Variants in HHLA1 observed in about 807,000 individuals in gnomAD.
HHLA1 encodes HERV-H LTR-associating protein 1.
In HHLA1, 72 loss-of-function variants were observed where a neutral mutation model predicts 69.9. The ratio of observed to expected loss-of-function variants is 1.03; its 90% confidence interval spans 0.85 to 1.25. HHLA1 has a LOEUF of 1.25. Ranked by LOEUF, HHLA1 falls within the 50% of genes most tolerant of loss-of-function variation. The pLI, the probability that HHLA1 is intolerant of heterozygous loss-of-function variation, is 0.00. For missense variants in HHLA1, 685 were observed against 642.2 expected (o/e 1.07, Z -0.72); for synonymous variants, 252 against 233.2 (o/e 1.08, Z -0.73).
chr8:132,088,860 A>G (rs917198868), intron 8 of HHLA1, among the ~76,000 whole-genome samples: 1 of 152,162 alleles, frequency 6.6e-6, no homozygotes, highest in African/African-American at 2.4e-5. Context: ...TGAGGATCCA[A>G]TGAGAGAATA....
In HHLA1 at chr8:132,071,155, C is replaced by T. The variant is rs370326799; in HGVS notation, c.1469+185G>A. ...GGACCAGCTATGAATGAGATTCCATCATGAATCTCAAGGATGTGACTGTCT... is the reference window on the plus strand; with the variant it reads ...GGACCAGCTATGAATGAGATTCCATTATGAATCTCAAGGATGTGACTGTCT... On this transcript the variant is annotated intron_variant, in intron 15 of 16. Coordinates refer to ENST00000414222, the MANE Select transcript of HHLA1 (RefSeq NM_001145095.3). 1.0e-3 allele frequency among the ~76,000 whole-genome samples: 153 copies of T among 152,306 alleles called. 1 individual carries two copies. In the Middle Eastern group the frequency reaches 0.02, roughly 20 times the overall value.
chr8:132,105,185 A>G lies in HHLA1; in HGVS notation c.79+2T>C. On this transcript the variant is annotated splice_donor_variant, in intron 2 of 16. Transcript: ENST00000414222. LOFTEE classifies it high-confidence loss of function. The stretch of plus-strand genomic sequence containing the variant: ...CACTTGCAGAACTCCAGCTAGACCC[A>G]CCTGTGTTCCAAAGGGACAAGACAC... 1 of 1,550,526 alleles carries G rather than the reference A, an allele frequency of 6.4e-7. No homozygotes were observed. The highest frequency in any genetic ancestry group is 1.4e-5 in the African/African-American group (1 of 73,148).
In HHLA1 at chr8:132,090,952, G is replaced by A. The variant is rs893388; in HGVS notation, c.449-1353C>T. On this transcript the variant is annotated intron_variant, in intron 7 of 16. Coordinates refer to ENST00000414222, the MANE Select transcript of HHLA1 (RefSeq NM_001145095.3). ...TTTTTTGTATTTTTAGTAGAGACAGGGTTTCACCGTGTTAGCCAGGATGGT... is the reference window on the plus strand; with the variant it reads ...TTTTTTGTATTTTTAGTAGAGACAGAGTTTCACCGTGTTAGCCAGGATGGT... Among the ~76,000 whole-genome samples, 1,258 of 152,056 alleles carry A rather than the reference G, an allele frequency of 8.3e-3. 18 individuals are homozygous for A. Among genetic ancestry groups the A allele is most frequent in the African/African-American group, 0.028 (1,177 of 41,460 alleles).
chr8:132,077,694 C>A (rs143893815), intron 12 of HHLA1, 32 bp downstream of exon 12: 1 of 1,539,510 alleles, frequency 6.5e-7, no homozygotes, highest in Non-Finnish European at 8.8e-7. Flanking sequence ...TAATTTAAAA[C>A]GGGAGAGGTA....
chr8:132,083,856 G>A (rs1366959709), intron 10 of HHLA1, among the ~76,000 whole-genome samples: 1 of 152,196 alleles, frequency 6.6e-6, no homozygotes, highest in African/African-American at 2.4e-5. Flanking sequence ...TTGAAGGCAA[G>A]GTTAATTAAA....
intron 4 of HHLA1, among the ~76,000 whole-genome samples, chr8:132,099,450 A>G (rs1288170219): frequency 6.6e-6 from 1 of 152,188 alleles, no homozygotes; most frequent in African/African-American, 2.4e-5. Context: ...CAGAATTAAT[A>G]GGTCCAGGAT....
intron 10 of HHLA1, among the ~76,000 whole-genome samples, chr8:132,083,715 G>C (rs948142187): frequency 3.3e-4 from 50 of 152,216 alleles, no homozygotes; most frequent in Non-Finnish European, 6.5e-4. Context: ...GCTCCTGTGG[G>C]AGGAGGTTCT....
In HHLA1 at chr8:132,075,047, TG is replaced by T. The variant is rs529819988; in HGVS notation, c.1315+1007del. The stretch of plus-strand genomic sequence containing the variant: ...CAGAGTCAACCTGTTTTCTAAAACT[TG>T]ATCTCACAACAGCCTCCATCTGCAC... On this transcript the variant is annotated intron_variant, in intron 14 of 16. Coordinates refer to ENST00000414222, the MANE Select transcript of HHLA1 (RefSeq NM_001145095.3). Among the ~76,000 whole-genome samples the T allele has an allele frequency of 5.3e-3, 802 of 152,354 alleles. 2 individuals carry two copies. The highest frequency in any genetic ancestry group is 6.7e-3 in the Non-Finnish European group (458 of 68,038).
intron 3 of HHLA1, among the ~76,000 whole-genome samples, chr8:132,103,554 G>A (rs1586736280): frequency 6.6e-6 from 1 of 152,258 alleles, no homozygotes; most frequent in East Asian, 1.9e-4. Flanking sequence ...TGGGGTGGAG[G>A]TTGCAGTGAG....
intron 1 of HHLA1, among the ~76,000 whole-genome samples, chr8:132,106,144 C>T (rs753568794): frequency 2.0e-5 from 3 of 151,884 alleles, no homozygotes; most frequent in Non-Finnish European, 2.9e-5. Flanking sequence ...TGCACAGATA[C>T]GATTTGAAAA....
In HHLA1 at chr8:132,062,718, A is replaced by G. The variant is rs1211594159; in HGVS notation, c.*1277T>C. 1 of 152,258 alleles carries G rather than the reference A, an allele frequency of 6.6e-6. No homozygotes were observed. Among genetic ancestry groups the G allele is most frequent in the Non-Finnish European group, 1.5e-5 (1 of 68,060 alleles). The allele number at this position is 152,258 out of a possible 1,614,324, so 9.4% of individuals were successfully genotyped here. ...ATATAGTGAAAAAGGAATCTGATACAATGAAGGTGGCAAATCAGTATGTGG... is the reference window on the plus strand; with the variant it reads ...ATATAGTGAAAAAGGAATCTGATACGATGAAGGTGGCAAATCAGTATGTGG... On this transcript the variant is annotated 3_prime_UTR_variant, in exon 17 of 17. Coordinates refer to ENST00000414222, the MANE Select transcript of HHLA1 (RefSeq NM_001145095.3).
chr8:132,099,963 T>C, intron 4 of HHLA1, 112 bp downstream of exon 4: 5 of 750,538 alleles, frequency 6.7e-6, no homozygotes, highest in Non-Finnish European at 9.3e-6. Context: ...GATCAGATAA[T>C]GATTAAAGAG....
intron 16 of HHLA1, among the ~76,000 whole-genome samples, chr8:132,065,164 G>A (rs1466065624): frequency 2.6e-5 from 4 of 152,204 alleles, no homozygotes; most frequent in African/African-American, 9.6e-5. Context: ...AATAAATGAA[G>A]TTTTGAAGCT....
Position 132,098,943 on chromosome 8 carries a change from G to C in HHLA1, c.219C>G (p.Ile73Met). ...LATTELPARS[I>M]DLSALNLTEL... Reference sequence around the variant, plus strand: ...CTGTCAGGTTAAGCGCGGACAGATCGATTGACCTTGCGGGCAGCTCTGAAA... The same window carrying C: ...CTGTCAGGTTAAGCGCGGACAGATCCATTGACCTTGCGGGCAGCTCTGAAA... Residue 73 changes from isoleucine to methionine, a missense_variant, in exon 5 of 17, where the codon ATC (isoleucine) becomes ATG (methionine). Coordinates refer to ENST00000414222, the MANE Select transcript of HHLA1 (RefSeq NM_001145095.3). The C allele has an allele frequency of 6.4e-7, 1 of 1,550,412 alleles. No individual in the cohort carries two copies. Among genetic ancestry groups the C allele is most frequent in the Non-Finnish European group, 8.7e-7 (1 of 1,146,070 alleles).
At chr8:132,065,448 G>GT (rs1823417759) in intron 16 of HHLA1, among the ~76,000 whole-genome samples, 2 of 152,088 alleles carry the variant, frequency 1.3e-5, no homozygotes, top group African/African-American at 4.8e-5. Context: ...CGCCTGGCTA[G>GT]TTTTTTTGTG....
intron 10 of HHLA1, chr8:132,085,618 C>T (rs1488160062): frequency 6.0e-6 from 1 of 166,314 alleles, no homozygotes; most frequent in Non-Finnish European, 1.3e-5. Context: ...GTTTATTTCA[C>T]CTGGGTGCAG....
intron 2 of HHLA1, among the ~76,000 whole-genome samples, chr8:132,104,431 A>G (rs1289149753): frequency 6.6e-6 from 1 of 152,202 alleles, no homozygotes; most frequent in Non-Finnish European, 1.5e-5. Flanking sequence ...ACATAGGAAA[A>G]CAACATTGAA....
At chr8:132,080,632 G>C (rs7463953) in intron 10 of HHLA1, 11,251 of 159,322 alleles carry the variant, frequency 0.071, 983 homozygotes, top group African/African-American at 0.21. Context: ...CCATCTGGGC[G>C]TATAGGTGCA....
At position 132,087,742 on chromosome 8, in the gene HHLA1, G is replaced by C. The variant is rs115213765; in HGVS notation, c.590-3C>G. 6.5e-7 allele frequency: 1 copy of C among 1,549,752 alleles called. No homozygotes were observed. The highest frequency in any genetic ancestry group is 2.0e-5 in the Admixed American group (1 of 50,972). ...CCAGAAGTCAGAAAGATTCCTTCCT[G>C]CAAAAATCACACCAACAGGGTCAGA... On this transcript the variant is annotated splice_region_variant and splice_polypyrimidine_tract_variant and intron_variant, in intron 9 of 16. Transcript: ENST00000414222.
Sources: gnomAD v4.1 joint callset for allele counts (sites outside exome capture counted in the v4.1 genomes callset) on GRCh38, gnomAD v4.1.1 for gene constraint, MANE v1.5 for transcripts, NCBI Gene and HGNC (gene_info 2026-07-23, HGNC 2026-07-21) for gene names.